NIPSNAP1: variants seen among roughly 807,000 people sequenced by gnomAD.
NIPSNAP1 encodes nipsnap homolog 1, also known as protein NipSnap homolog 1.
In NIPSNAP1, 25 loss-of-function variants were observed where a neutral mutation model predicts 49.2. That is an observed-to-expected ratio of 0.51 (90% CI 0.37 to 0.71). The LOEUF is 0.71. Among genes scored for constraint, NIPSNAP1 ranks in the 30% least tolerant of loss-of-function variants. The pLI is 0.00. For missense variants in NIPSNAP1, 294 were observed against 361.0 expected (o/e 0.81, Z 1.50); for synonymous variants, 143 against 140.7 (o/e 1.02, Z -0.12).
At chr22:29,574,779 C>CAG (rs770745369) in intron 1 of NIPSNAP1, among the ~76,000 whole-genome samples, 1 of 102,728 alleles carries the variant, frequency 9.7e-6, no homozygotes, top group African/African-American at 3.9e-5. Context: ...AACTCTGTCT[C>CAG]AAAAAAAAAA....
At chr22:29,556,342 T>C (rs1198229989) in intron 9 of NIPSNAP1, among the ~76,000 whole-genome samples, 2 of 152,006 alleles carry the variant, frequency 1.3e-5, no homozygotes, top group East Asian at 1.9e-4. Flanking sequence ...CTGACCAACA[T>C]GGAGAAACCC....
intron 1 of NIPSNAP1, among the ~76,000 whole-genome samples, chr22:29,579,483 A>T (rs927024371): frequency 6.6e-6 from 1 of 151,530 alleles, no homozygotes; most frequent in Non-Finnish European, 1.5e-5. Context: ...TTTTTAGTAG[A>T]GATGGGGTTT....
chr22:29,575,788 C>A (rs111541037), intron 1 of NIPSNAP1, among the ~76,000 whole-genome samples: 3 of 151,668 alleles, frequency 2.0e-5, no homozygotes, highest in African/African-American at 7.3e-5. Context: ...GATCTGGGCT[C>A]ACTGCAACCT....
chr22:29,576,050 ACT>A (rs2064449710), intron 1 of NIPSNAP1, among the ~76,000 whole-genome samples: 1 of 133,726 alleles, frequency 7.5e-6, no homozygotes, highest in African/African-American at 2.9e-5. Flanking sequence ...ATGGAGTTTC[ACT>A]CTGTTGCCCA....
At chr22:29,570,614 C>A in intron 1 of NIPSNAP1, 82 bp from the exon 2 acceptor site, 2 of 1,537,456 alleles carry the variant, frequency 1.3e-6, no homozygotes, top group East Asian at 2.4e-5. Context: ...TCCTGCTCCC[C>A]TAGACCAGTG....
chr22:29,567,643 G>A (rs1015894060), intron 4 of NIPSNAP1, among the ~76,000 whole-genome samples: 6 of 150,884 alleles, frequency 4.0e-5, no homozygotes, highest in South Asian at 2.1e-4. Context: ...GCTTGAGCCC[G>A]GGAGTTTGAG....
At position 29,561,562 on chromosome 22, in the gene NIPSNAP1, C is replaced by G; in HGVS notation, c.523G>C (p.Glu175Gln). ...QLLLEFSFWNEPQPRMGPNIY... is the reference protein window; with the variant it reads ...QLLLEFSFWNQPQPRMGPNIY... ...TTGGGACCCATTCTGGGCTGTGGCT[C>G]ATTCCAGAAGCTGAACTCGAGGAGC... is the stretch of plus-strand genomic sequence containing the variant. The change falls in exon 6 of 10, where the codon GAG becomes CAG. Residue 175 changes from glutamate (E) to glutamine (Q), a missense_variant. Glu to Gln is a conservative substitution (Grantham distance 29). Around this residue, in one of 4 missense-constraint regions of NIPSNAP1, gnomAD observed 146 missense variants for 219.9 expected, o/e 0.66. Transcript: ENST00000216121. 6.2e-7 allele frequency: 1 copy of G among 1,614,112 alleles called. No homozygotes were observed. The highest frequency in any genetic ancestry group is 8.5e-7 in the Non-Finnish European group (1 of 1,180,024).
At chr22:29,558,720 G>A (rs2064313287) in intron 9 of NIPSNAP1, 150 bp downstream of exon 9, 1 of 707,900 alleles carries the variant, frequency 1.4e-6, no homozygotes, top group South Asian at 1.5e-5. Flanking sequence ...CCTATGGAGT[G>A]TGCCACTTGG....
chr22:29,561,224 G>A (rs770711246), intron 6 of NIPSNAP1, 22 bp from the exon 7 acceptor site: 2 of 1,612,744 alleles, frequency 1.2e-6, no homozygotes, highest in South Asian at 1.1e-5. Context: ...CCAAAGGGAT[G>A]ATGGGAATGA....
At chr22:29,566,639 A>G (rs2146607893) in intron 4 of NIPSNAP1, among the ~76,000 whole-genome samples, 1 of 152,188 alleles carries the variant, frequency 6.6e-6, no homozygotes, top group Non-Finnish European at 1.5e-5. Flanking sequence ...CCTGGGCAAC[A>G]TAGCGAAACC....
At chr22:29,556,238 C>T (rs560976506) in intron 9 of NIPSNAP1, among the ~76,000 whole-genome samples, 1 of 152,204 alleles carries the variant, frequency 6.6e-6, no homozygotes, top group South Asian at 2.1e-4. Flanking sequence ...TAATAGTTAT[C>T]TGTTGGCCAG....
At chr22:29,568,496 G>GA (rs695602) in intron 4 of NIPSNAP1, among the ~76,000 whole-genome samples, 61,339 of 111,374 alleles carry the variant, frequency 0.55, 13,807 homozygotes, top group East Asian at 0.77. Context: ...AAAGAAAAAA[G>GA]AAAAAAAAAA....
intron 4 of NIPSNAP1, among the ~76,000 whole-genome samples, chr22:29,567,642 C>T (rs1468422221): frequency 2.0e-5 from 3 of 151,762 alleles, no homozygotes; most frequent in Non-Finnish European, 2.9e-5. Flanking sequence ...CGCTTGAGCC[C>T]GGGAGTTTGA....
intron 4 of NIPSNAP1, 110 bp from the exon 5 acceptor site, chr22:29,561,972 C>T: frequency 3.4e-6 from 3 of 893,726 alleles, no homozygotes; most frequent in Admixed American, 3.9e-5. Flanking sequence ...GCCTGGTTCC[C>T]TGTAGCAGCA....
intron 4 of NIPSNAP1, among the ~76,000 whole-genome samples, chr22:29,566,650 C>T (rs1363193696): frequency 6.6e-6 from 1 of 151,938 alleles, no homozygotes; most frequent in African/African-American, 2.4e-5. Context: ...TAGCGAAACC[C>T]TGTCTCTACT....
intron 4 of NIPSNAP1, 57 bp downstream of exon 4, chr22:29,569,136 G>C: frequency 7.0e-7 from 1 of 1,426,806 alleles, no homozygotes; most frequent in African/African-American, 1.4e-5. Context: ...AGGTGTGAAA[G>C]GTGCTGGAGG....
intron 4 of NIPSNAP1, among the ~76,000 whole-genome samples, chr22:29,566,286 A>C (rs775252625): frequency 6.6e-6 from 1 of 151,834 alleles, no homozygotes; most frequent in African/African-American, 2.4e-5. Flanking sequence ...GATTATAAGC[A>C]TAAGCCACCA....
intron 1 of NIPSNAP1, among the ~76,000 whole-genome samples, chr22:29,579,590 C>T (rs149679338): frequency 1.0e-3 from 159 of 152,260 alleles, no homozygotes; most frequent in Middle Eastern, 3.4e-3. Flanking sequence ...CCACCGCGCC[C>T]GGCCATTTTT....
At chr22:29,563,229 G>C (rs1002032166) in intron 4 of NIPSNAP1, among the ~76,000 whole-genome samples, 1 of 152,072 alleles carries the variant, frequency 6.6e-6, no homozygotes, top group African/African-American at 2.4e-5. Flanking sequence ...TTGTGCCAGT[G>C]TACTCCAGCC....
Sources: gnomAD v4.1 joint callset for allele counts (sites outside exome capture counted in the v4.1 genomes callset) on GRCh38, gnomAD v4.1.1 for gene constraint, gnomAD v4.1.1 regional missense constraint, MANE v1.5 for transcripts, NCBI Gene and HGNC (gene_info 2026-07-23, HGNC 2026-07-21) for gene names.